The following GNAO1 variants were observed in gnomAD, a reference collection of about 807,000 sequenced individuals.
GNAO1 encodes guanine nucleotide-binding protein G(o) subunit alpha.
For synonymous variants in GNAO1, 164 were observed against 180.7 expected (o/e 0.91, Z 0.74); for missense variants, 166 against 478.7 (o/e 0.35, Z 6.10).
intron 2 of GNAO1, among the ~76,000 whole-genome samples, chr16:56,220,738 T>TTTG (rs55730508): frequency 0.033 from 5,046 of 151,430 alleles, 118 homozygotes; most frequent in African/African-American, 0.056. Flanking sequence ...GCGTGGGTTT[T>TTTG]TTGTTGTTGT....
chr16:56,335,081 T>C (rs2037727900), intron 5 of GNAO1, among the ~76,000 whole-genome samples: 1 of 152,182 alleles, frequency 6.6e-6, no homozygotes, highest in Non-Finnish European at 1.5e-5. Context: ...AGAGTGGGGC[T>C]GTGAGGAACA....
chr16:56,304,009 A>C lies in GNAO1; in HGVS notation c.304-24622A>C, dbSNP rs183813084. On this transcript the variant is annotated intron_variant, in intron 3 of 8. Transcript: ENST00000262493. ...TTCATTGCTTTTTAGATCTTTCCCTACCAAGCCCTACCAAGTTCATTCACT... is the reference window on the plus strand; with the variant it reads ...TTCATTGCTTTTTAGATCTTTCCCTCCCAAGCCCTACCAAGTTCATTCACT... Among the ~76,000 whole-genome samples, 561 of 152,322 alleles carry C rather than the reference A, an allele frequency of 3.7e-3. 3 individuals are homozygous for C. Among genetic ancestry groups the C allele is most frequent in the Non-Finnish European group, 5.5e-3 (372 of 68,026 alleles).
intron 2 of GNAO1, chr16:56,193,758 G>C: frequency 3.7e-6 from 1 of 272,326 alleles, no homozygotes; most frequent in Non-Finnish European, 7.3e-6. Context: ...AGGGGTGTGC[G>C]CCCTCCGGGC....
intron 2 of GNAO1, among the ~76,000 whole-genome samples, chr16:56,261,292 G>A (rs937964610): frequency 6.6e-6 from 1 of 152,178 alleles, no homozygotes; most frequent in Non-Finnish European, 1.5e-5. Flanking sequence ...GGCGTCTTTT[G>A]TCTGTTTCAG....
intron 2 of GNAO1, chr16:56,194,253 T>G: frequency 2.2e-6 from 1 of 456,620 alleles, no homozygotes; most frequent in South Asian, 1.5e-5. Context: ...CTTGAGCTTG[T>G]GCAACCCAAA....
intron 3 of GNAO1, among the ~76,000 whole-genome samples, chr16:56,291,380 A>G (rs1331215420): frequency 1.3e-5 from 2 of 152,098 alleles, no homozygotes; most frequent in African/African-American, 2.4e-5. Context: ...GCATCTTTTC[A>G]TGTGCTTTTG....
chr16:56,316,139 C>G (rs1476978610), intron 3 of GNAO1, among the ~76,000 whole-genome samples: 1 of 152,044 alleles, frequency 6.6e-6, no homozygotes, highest in African/African-American at 2.4e-5. Flanking sequence ...ACTAGCTCCC[C>G]TAGGGCCCCC....
rs575957356 is a variant in GNAO1 at position 56,194,202 on chromosome 16, C to T, written c.161+1586C>T. 222 of 456,578 alleles carry T rather than the reference C, an allele frequency of 4.9e-4. 1 individual carries two copies. The highest frequency in any genetic ancestry group is 4.0e-3 in the African/African-American group (199 of 50,158). 28.3% of individuals were successfully genotyped at this position (456,578 alleles called of 1,614,324 possible). ...CTTCGCAGAGCCCCCCTTGGCTCGCCGCACCCTTCTGAGCCAGGGGTAATT... is the reference window on the plus strand; with the variant it reads ...CTTCGCAGAGCCCCCCTTGGCTCGCTGCACCCTTCTGAGCCAGGGGTAATT... On this transcript the variant is annotated intron_variant, in intron 2 of 8. Coordinates refer to ENST00000262493, the MANE Select transcript of GNAO1 (RefSeq NM_020988.3).
intron 3 of GNAO1, among the ~76,000 whole-genome samples, chr16:56,282,238 T>C (rs1198185591): frequency 6.6e-6 from 1 of 152,174 alleles, no homozygotes; most frequent in Admixed American, 6.5e-5. Context: ...TTTTGGACTG[T>C]AAAATAGTAA....
intron 3 of GNAO1, among the ~76,000 whole-genome samples, chr16:56,299,446 G>T (rs1351056479): frequency 6.6e-6 from 1 of 152,228 alleles, no homozygotes; most frequent in African/African-American, 2.4e-5. Flanking sequence ...CATGTGACTG[G>T]CAGGGCTGTG....
rs1596880084 is a variant in GNAO1, at chr16:56,347,922, G to GC, written c.724-3458dup. 2.8e-5 allele frequency: 25 copies of GC among 877,990 alleles called. No individual in the cohort carries two copies. The South Asian group carries it at 1.1e-3, about 39-fold the overall frequency. 54.4% of individuals were successfully genotyped at this position (877,990 alleles called of 1,614,324 possible). On this transcript the variant is annotated intron_variant, in intron 6 of 8. Transcript: ENST00000262493. ...GGCTCTGCCCGCCGTCCCCCACCCT[G>GC]CCCCTGCTGAGTATCTTCTTCCTCC... is the stretch of plus-strand genomic sequence containing the variant.
At chr16:56,206,650 A>G (rs1351332004) in intron 2 of GNAO1, among the ~76,000 whole-genome samples, 10 of 152,202 alleles carry the variant, frequency 6.6e-5, no homozygotes, top group African/African-American at 2.4e-4. Flanking sequence ...ATCAAACTGT[A>G]TACCTAAAAA....
intron 2 of GNAO1, among the ~76,000 whole-genome samples, chr16:56,249,667 G>T (rs2036781769): frequency 6.6e-6 from 1 of 152,172 alleles, no homozygotes. Context: ...AATTAAGCAG[G>T]CCCACGGTTG....
intron 3 of GNAO1, 59 bp downstream of exon 3, chr16:56,276,131 C>T: frequency 6.8e-7 from 1 of 1,468,062 alleles, no homozygotes; most frequent in East Asian, 2.3e-5. Context: ...TACCCCACTG[C>T]CTCCTCTTTA....
chr16:56,245,824 C>T (rs559630064), intron 2 of GNAO1, among the ~76,000 whole-genome samples: 10 of 152,262 alleles, frequency 6.6e-5, no homozygotes, highest in African/African-American at 2.4e-4. Flanking sequence ...GACACAGTAC[C>T]AAGTCTGGAG....
At chr16:56,192,996 A>C (rs1185851910) in intron 2 of GNAO1, 3 of 192,058 alleles carry the variant, frequency 1.6e-5, no homozygotes, top group Non-Finnish European at 3.3e-5. Context: ...TTCTGTCTCT[A>C]TTTCTTTCTC....
Position 56,335,527 on chromosome 16 carries a change from C to T in GNAO1, c.593+670C>T, listed in dbSNP as rs565525642. Among the ~76,000 whole-genome samples, 357 of 152,330 alleles carry T rather than the reference C, an allele frequency of 2.3e-3. 1 individual carries two copies. Among genetic ancestry groups the T allele is most frequent in the Admixed American group, 5.0e-3 (77 of 15,302 alleles). On this transcript the variant is annotated intron_variant, in intron 5 of 8. Coordinates refer to ENST00000262493, the MANE Select transcript of GNAO1 (RefSeq NM_020988.3). The stretch of plus-strand genomic sequence containing the variant: ...CAGCAGAGAAGGGGAGGGCAGGGAC[C>T]CCTGCTGGGAGAGCTGGATTCTAAT...
At chr16:56,323,097 G>A (rs1004595523) in intron 3 of GNAO1, among the ~76,000 whole-genome samples, 24 of 152,150 alleles carry the variant, frequency 1.6e-4, no homozygotes, top group African/African-American at 5.6e-4. Context: ...TGAGACCAGA[G>A]TGATCTGGAC....
rs142100229 is a variant in GNAO1 at position 56,343,688 on chromosome 16, C to T, written c.723+6828C>T. On this transcript the variant is annotated intron_variant, in intron 6 of 8. Transcript: ENST00000262493. The stretch of plus-strand genomic sequence containing the variant: ...GCCCAAGGCCGGATGGCCACACAGG[C>T]CAGGCTGGGGTCGTCCATGCCAAGC... 1.0e-3 allele frequency: 1,237 copies of T among 1,233,254 alleles called. 11 individuals carry two copies. Among genetic ancestry groups the T allele is most frequent in the South Asian group, 4.7e-3 (335 of 70,914 alleles). 76.4% of individuals were successfully genotyped at this position (1,233,254 alleles called of 1,614,324 possible). A position where few individuals can be genotyped will look rare whatever the true frequency, so the allele number is the denominator to read the frequency against.
Sources: allele counts gnomAD v4.1 joint callset (sites outside exome capture counted in the v4.1 genomes callset), GRCh38; gene constraint gnomAD v4.1.1; transcripts MANE v1.5; gene names NCBI Gene and HGNC (gene_info 2026-07-23, HGNC 2026-07-21).